ZBTB20: variants seen among roughly 807,000 people sequenced by gnomAD.
ZBTB20 encodes the protein zinc finger and BTB domain containing 20, also known as zinc finger and BTB domain-containing protein 20.
Under a neutral mutation model 56.9 loss-of-function variants are expected in ZBTB20, and 9 were observed. That is an observed-to-expected ratio of 0.16 (90% CI 0.10 to 0.28). ZBTB20 has a LOEUF of 0.28. Ranked by LOEUF, ZBTB20 falls within the 10% of genes least tolerant of loss-of-function variation. The pLI is 1.00. For missense variants in ZBTB20, 655 were observed against 1,003.0 expected (o/e 0.65, Z 4.69); for synonymous variants, 417 against 420.7 (o/e 0.99, Z 0.11).
chr3:114,338,857 G>T lies in ZBTB20; in HGVS notation c.*148C>A. ...CAGCAGGCAAAAAACAGTTCTTCAT[G>T]TAGTACAAAATGAAACGAAACAAAA... On this transcript the variant is annotated 3_prime_UTR_variant, in exon 12 of 12. Transcript: ENST00000675478. The T allele has an allele frequency of 1.1e-6, 1 of 888,144 alleles. No homozygotes were observed. Among genetic ancestry groups the T allele is most frequent in the Non-Finnish European group, 1.6e-6 (1 of 618,870 alleles). 55.0% of individuals were successfully genotyped at this position (888,144 alleles called of 1,614,324 possible).
At chr3:114,914,732 G>A (rs879703489) in intron 3 of ZBTB20, among the ~76,000 whole-genome samples, 1 of 151,672 alleles carries the variant, frequency 6.6e-6, no homozygotes, top group South Asian at 2.1e-4. Context: ...GTTGAGATAT[G>A]TTACTTCGAT....
At chr3:115,114,400 C>G (rs529603417) in intron 1 of ZBTB20, among the ~76,000 whole-genome samples, 15 of 152,128 alleles carry the variant, frequency 9.9e-5, no homozygotes, top group African/African-American at 3.6e-4. Context: ...CTTACTACAT[C>G]AAAATAATCA....
Position 114,536,766 on chromosome 3 carries a change from G to A in ZBTB20, c.-294-36375C>T, listed in dbSNP as rs140804245. ...GCTAGAAGGCTACTGTTACCAAAAC[G>A]GCATGGTACTGGTACCAAAACAGAT... On this transcript the variant is annotated intron_variant, in intron 6 of 11. Coordinates refer to ENST00000675478, the MANE Select transcript of ZBTB20 (RefSeq NM_001348800.3). Among the ~76,000 whole-genome samples, 1,005 of 152,036 alleles carry A rather than the reference G, an allele frequency of 6.6e-3. 9 individuals are homozygous for A. Among genetic ancestry groups the A allele is most frequent in the African/African-American group, 0.022 (924 of 41,484 alleles).
chr3:114,436,579 T>G (rs2090533076), intron 7 of ZBTB20, among the ~76,000 whole-genome samples: 1 of 152,210 alleles, frequency 6.6e-6, no homozygotes. Context: ...TGTTAAGGCC[T>G]TGGCTATCCA....
At chr3:114,392,331 G>A (rs9864199) in intron 7 of ZBTB20, among the ~76,000 whole-genome samples, 68,063 of 151,970 alleles carry the variant, frequency 0.45, 15,467 homozygotes, top group African/African-American at 0.51. Flanking sequence ...TATATGCCCC[G>A]TTCTCCATGA....
intron 6 of ZBTB20, among the ~76,000 whole-genome samples, chr3:114,618,238 CTT>C (rs111549198): frequency 3.8e-3 from 449 of 119,282 alleles, no homozygotes; most frequent in Non-Finnish European, 5.6e-3. Flanking sequence ...TGTTTCTTTC[CTT>C]TTTTTTTTTT....
intron 5 of ZBTB20, among the ~76,000 whole-genome samples, chr3:114,765,211 T>C (rs1274322881): frequency 1.3e-5 from 2 of 152,120 alleles, no homozygotes; most frequent in African/African-American, 4.8e-5. Context: ...TTATTATGGG[T>C]TTAATTGTGC....
chr3:115,119,214 A>G (rs2084110803), intron 1 of ZBTB20, among the ~76,000 whole-genome samples: 1 of 152,162 alleles, frequency 6.6e-6, no homozygotes, highest in Admixed American at 6.5e-5. Flanking sequence ...ACTAATTAGA[A>G]AGAAACAGAG....
At chr3:114,349,520 C>T (rs988103733) in intron 11 of ZBTB20, among the ~76,000 whole-genome samples, 4 of 152,186 alleles carry the variant, frequency 2.6e-5, no homozygotes, top group South Asian at 2.1e-4. Flanking sequence ...TCCTTGAATG[C>T]GTCTAATTAC....
intron 4 of ZBTB20, among the ~76,000 whole-genome samples, chr3:114,897,795 A>C (rs1029703255): frequency 5.9e-5 from 9 of 152,134 alleles, no homozygotes; most frequent in Admixed American, 5.2e-4. Context: ...TCCATGCCTA[A>C]AAGTACATGT....
chr3:114,461,478 T>C (rs2092329161), intron 7 of ZBTB20, among the ~76,000 whole-genome samples: 1 of 152,056 alleles, frequency 6.6e-6, no homozygotes, highest in Non-Finnish European at 1.5e-5. Flanking sequence ...GGCTAATTTT[T>C]AAATTTTTGT....
At chr3:114,702,879 G>A (rs1179174458) in intron 5 of ZBTB20, among the ~76,000 whole-genome samples, 1 of 152,160 alleles carries the variant, frequency 6.6e-6, no homozygotes, top group Non-Finnish European at 1.5e-5. Flanking sequence ...AAACACTGTA[G>A]AGTATGCCAA....
rs534745351 is a variant in ZBTB20, at chr3:114,534,328, G to A, written c.-294-33937C>T. Among the ~76,000 whole-genome samples, 8 of 152,128 alleles carry A rather than the reference G, an allele frequency of 5.3e-5. No individual in the cohort carries two copies. The East Asian group carries it at 1.2e-3, about 22-fold the overall frequency. On this transcript the variant is annotated intron_variant, in intron 6 of 11. Coordinates refer to ENST00000675478, the MANE Select transcript of ZBTB20 (RefSeq NM_001348800.3). ...AAATGGAAAGCAAAAAAAAATGCAGGGGTTGCAATCCTAGTCTCTGATAAA... is the reference window on the plus strand; with the variant it reads ...AAATGGAAAGCAAAAAAAAATGCAGAGGTTGCAATCCTAGTCTCTGATAAA...
intron 5 of ZBTB20, among the ~76,000 whole-genome samples, chr3:114,794,798 A>G (rs527349317): frequency 2.0e-5 from 3 of 152,204 alleles, no homozygotes; most frequent in African/African-American, 7.2e-5. Flanking sequence ...TTGTTCTTCA[A>G]TCCAGAAATC....
chr3:114,924,029 C>T (rs1046670743), intron 3 of ZBTB20, among the ~76,000 whole-genome samples: 7 of 152,116 alleles, frequency 4.6e-5, no homozygotes, highest in African/African-American at 1.7e-4. Context: ...GATATCACCT[C>T]ATGCCTGTCA....
chr3:114,592,105 G>A (rs1361702263), intron 6 of ZBTB20, among the ~76,000 whole-genome samples: 1 of 152,100 alleles, frequency 6.6e-6, no homozygotes, highest in African/African-American at 2.4e-5. Context: ...ATCCAGGACC[G>A]ACCTCAATAG....
At chr3:114,638,961 C>A (rs2059417660) in intron 6 of ZBTB20, among the ~76,000 whole-genome samples, 1 of 151,926 alleles carries the variant, frequency 6.6e-6, no homozygotes, top group Admixed American at 6.6e-5. Flanking sequence ...AGTGAGGAAC[C>A]AGCGTTTGTC....
At chr3:114,646,810 C>G (rs1206223153) in intron 6 of ZBTB20, among the ~76,000 whole-genome samples, 1 of 152,088 alleles carries the variant, frequency 6.6e-6, no homozygotes, top group Non-Finnish European at 1.5e-5. Context: ...GATAAATAAC[C>G]TCAGTACAAT....
intron 6 of ZBTB20, among the ~76,000 whole-genome samples, chr3:114,555,422 A>G (rs2051083682): frequency 6.6e-6 from 1 of 152,066 alleles, no homozygotes; most frequent in African/African-American, 2.4e-5. Flanking sequence ...ATATATGGTT[A>G]TCATCCATTG....
Sources: allele counts gnomAD v4.1 joint callset (sites outside exome capture counted in the v4.1 genomes callset), GRCh38; gene constraint gnomAD v4.1.1; transcripts MANE v1.5; gene names NCBI Gene and HGNC (gene_info 2026-07-23, HGNC 2026-07-21).